Variants in FGF2 observed in about 807,000 individuals in gnomAD.
FGF2 encodes basic fibroblast growth factor bFGF.
A neutral mutation model predicts 15.9 loss-of-function variants in FGF2; 13 were observed. The ratio of observed to expected loss-of-function variants is 0.82; its 90% CI spans 0.53 to 1.30. The LOEUF is 1.30. Among genes scored for constraint, FGF2 ranks in the 50% most tolerant of loss-of-function variants. The pLI, the probability that FGF2 is intolerant of heterozygous loss-of-function variation, is 0.00. For missense variants in FGF2, 163 were observed against 196.9 expected, an observed-to-expected ratio of 0.83 and a Z score of 1.03; for synonymous variants, 90 against 78.4, an observed-to-expected ratio of 1.15 and a Z score of -0.78.
chr4:122,846,367 C>A (rs1017398394), intron 1 of FGF2, among the ~76,000 whole-genome samples: 3 of 152,108 alleles, frequency 2.0e-5, no homozygotes, highest in Admixed American at 6.5e-5. Context: ...TAGACTTGCT[C>A]GATGCAGGAT....
In FGF2 at chr4:122,871,665, C is replaced by G. The variant is rs914718290; in HGVS notation, c.179-4656C>G. 3.3e-5 allele frequency among the ~76,000 whole-genome samples: 5 copies of G among 151,784 alleles called. No individual in the cohort carries two copies. The East Asian group carries it at 9.7e-4, about 29-fold the overall frequency. ...AGCAGGCACCCATCTTTGCTGTTCT[C>G]TAGCCTCCTTGAGTAACATCTCCAG... On this transcript the variant is annotated intron_variant, in intron 1 of 2. Transcript: ENST00000644866.
Position 122,838,699 on chromosome 4 carries a change from C to T in FGF2, c.178+11347C>T, listed in dbSNP as rs1051515258. On this transcript the variant is annotated intron_variant, in intron 1 of 2. Coordinates refer to ENST00000644866, the MANE Select transcript of FGF2 (RefSeq NM_001361665.2). The stretch of plus-strand genomic sequence containing the variant: ...ATGTCCAGCAAAGTTGAAGTGTGTG[C>T]CATCTATTCCTCTGCCCCTTCGTCT... Among the ~76,000 whole-genome samples the T allele has an allele frequency of 5.7e-4, 87 of 152,308 alleles. 1 individual carries two copies. Among genetic ancestry groups the T allele is most frequent in the Admixed American group, 5.7e-3 (87 of 15,304 alleles).
chr4:122,868,628 A>G (rs1456526400), intron 1 of FGF2, among the ~76,000 whole-genome samples: 2 of 152,180 alleles, frequency 1.3e-5, no homozygotes, highest in Admixed American at 6.5e-5. Context: ...TCCTTTGGGT[A>G]TATACCCAGT....
chr4:122,867,513 ATT>A, intron 1 of FGF2, among the ~76,000 whole-genome samples: 1 of 152,218 alleles, frequency 6.6e-6, no homozygotes, highest in East Asian at 1.9e-4. Flanking sequence ...AAAAATATAT[ATT>A]TTTTTAATTT....
At chr4:122,845,283 C>T (rs1382105721) in intron 1 of FGF2, among the ~76,000 whole-genome samples, 3 of 152,160 alleles carry the variant, frequency 2.0e-5, no homozygotes, top group Non-Finnish European at 2.9e-5. Flanking sequence ...ATTGATAGGG[C>T]ACAGGCAGAG....
chr4:122,893,023 A>AT lies in FGF2; in HGVS notation c.*629dup, dbSNP rs1405425282. On this transcript the variant is annotated 3_prime_UTR_variant, in exon 3 of 3. Transcript: ENST00000644866. ...TTGTATTTTCAGTCTTCGCCAGGTC[A>AT]TTGAGATCCATCCACTCACATCTTA... 2 of 1,614,158 alleles carry AT rather than the reference A, an allele frequency of 1.2e-6. No homozygotes were observed. Among genetic ancestry groups the AT allele is most frequent in the Middle Eastern group, 3.3e-4 (2 of 6,062 alleles).
At chr4:122,871,539 A>G (rs1299785230) in intron 1 of FGF2, among the ~76,000 whole-genome samples, 1 of 151,880 alleles carries the variant, frequency 6.6e-6, no homozygotes, top group African/African-American at 2.4e-5. Flanking sequence ...GTGCCACCCA[A>G]TTGGGTGAGA....
chr4:122,826,801 TAGA>T (rs960459592), upstream of FGF2: 4 of 1,435,938 alleles, frequency 2.8e-6, no homozygotes, highest in African/African-American at 5.8e-5. Flanking sequence ...GGTGGAGATG[TAGA>T]AGATGTGACG....
chr4:122,892,155 A>G (rs1285726507), intron 2 of FGF2, 56 bp from the exon 3 acceptor site: 1 of 1,369,260 alleles, frequency 7.3e-7, no homozygotes, highest in East Asian at 2.5e-5. Context: ...TTTAATATGA[A>G]AAGTGTAATA....
intron 1 of FGF2, among the ~76,000 whole-genome samples, chr4:122,841,129 G>A (rs1725975837): frequency 6.6e-6 from 1 of 152,216 alleles, no homozygotes; most frequent in African/African-American, 2.4e-5. Flanking sequence ...TGTAAAAGAT[G>A]TGTATTTTCT....
intron 1 of FGF2, among the ~76,000 whole-genome samples, chr4:122,875,104 C>T (rs1175287081): frequency 6.6e-6 from 1 of 152,094 alleles, no homozygotes; most frequent in East Asian, 1.9e-4. Flanking sequence ...TTTTATTTAA[C>T]ATCTGTTAGC....
At chr4:122,871,786 A>G (rs577803631) in intron 1 of FGF2, among the ~76,000 whole-genome samples, 1 of 151,234 alleles carries the variant, frequency 6.6e-6, no homozygotes, top group Non-Finnish European at 1.5e-5. Context: ...AAAGACAAAA[A>G]AAAAAAAAAA....
intron 1 of FGF2, among the ~76,000 whole-genome samples, chr4:122,866,495 TA>T (rs1236664781): frequency 1.3e-5 from 2 of 152,024 alleles, no homozygotes; most frequent in African/African-American, 2.4e-5. Context: ...AACTCAATAA[TA>T]AAAAGACAAT....
At chr4:122,853,467 G>A (rs1726275459) in intron 1 of FGF2, among the ~76,000 whole-genome samples, 1 of 152,096 alleles carries the variant, frequency 6.6e-6, no homozygotes, top group South Asian at 2.1e-4. Context: ...ACAATGCTGA[G>A]GTAGAGTAAA....
chr4:122,831,616 A>G (rs1350631701), intron 1 of FGF2, among the ~76,000 whole-genome samples: 1 of 152,246 alleles, frequency 6.6e-6, no homozygotes, highest in African/African-American at 2.4e-5. Flanking sequence ...CTTGGAAATC[A>G]TGTAATCAGT....
intron 1 of FGF2, among the ~76,000 whole-genome samples, chr4:122,846,184 A>G (rs1205061710): frequency 6.6e-6 from 1 of 152,214 alleles, no homozygotes; most frequent in African/African-American, 2.4e-5. Flanking sequence ...GCTGTCTTAT[A>G]TGGGTGTAGT....
chr4:122,892,832 T>C lies in FGF2; in HGVS notation c.*436T>C, dbSNP rs1727224355. 1 of 1,593,648 alleles carries C rather than the reference T, an allele frequency of 6.3e-7. No homozygotes were observed. The highest frequency in any genetic ancestry group is 1.7e-5 in the Admixed American group (1 of 57,944). On this transcript the variant is annotated 3_prime_UTR_variant, in exon 3 of 3. Transcript: ENST00000644866. ...TCTAAACATATAAATGTGAATTTAATCAATTCCTTTCATAGTTTTATAATT... is the reference window on the plus strand; with the variant it reads ...TCTAAACATATAAATGTGAATTTAACCAATTCCTTTCATAGTTTTATAATT...
chr4:122,832,599 T>A (rs559891308), intron 1 of FGF2, among the ~76,000 whole-genome samples: 1 of 152,252 alleles, frequency 6.6e-6, no homozygotes, highest in Non-Finnish European at 1.5e-5. Context: ...AAATGTATTT[T>A]GTTCTGTTTT....
chr4:122,843,128 T>A (rs1319587212), intron 1 of FGF2, among the ~76,000 whole-genome samples: 3 of 152,154 alleles, frequency 2.0e-5, no homozygotes, highest in African/African-American at 7.2e-5. Flanking sequence ...CTGCTTTGCT[T>A]GTGGTGTTTT....
Sources: allele counts gnomAD v4.1 joint callset (sites outside exome capture counted in the v4.1 genomes callset), GRCh38; gene constraint gnomAD v4.1.1; transcripts MANE v1.5; gene names NCBI Gene and HGNC (gene_info 2026-07-23, HGNC 2026-07-21).